Variants in KPNA3 observed in about 807,000 individuals in gnomAD.
KPNA3 encodes the protein karyopherin subunit alpha 3, also known as importin subunit alpha-4.
Under a neutral mutation model 73.8 loss-of-function variants are expected in KPNA3, and 13 were observed. That is an observed-to-expected ratio of 0.18 (90% confidence interval 0.11 to 0.28). The LOEUF is 0.28. KPNA3 is among the 10% of genes least tolerant of loss of function. The pLI is 1.00. For missense variants in KPNA3, 360 were observed against 618.1 expected (o/e 0.58, Z 4.43); for synonymous variants, 186 against 206.9 (o/e 0.90, Z 0.87).
chr13:49,740,714 C>T (rs1184439655), intron 2 of KPNA3, among the ~76,000 whole-genome samples: 1 of 152,094 alleles, frequency 6.6e-6, no homozygotes, highest in Non-Finnish European at 1.5e-5. Flanking sequence ...GAAAACTGAC[C>T]AATATACCAT....
At chr13:49,773,268 T>C (rs1954870004) in intron 1 of KPNA3, among the ~76,000 whole-genome samples, 1 of 152,156 alleles carries the variant, frequency 6.6e-6, no homozygotes, top group South Asian at 2.1e-4. Context: ...ACAGAAATAT[T>C]TACATTTTGA....
intron 1 of KPNA3, among the ~76,000 whole-genome samples, chr13:49,770,668 A>G (rs57411977): frequency 0.02 from 3,097 of 152,148 alleles, 43 homozygotes; most frequent in South Asian, 0.031. Flanking sequence ...TTTTACATGT[A>G]TATCTTTAAT....
chr13:49,746,963 C>T lies in KPNA3; in HGVS notation c.100G>A (p.Val34Met). 1 of 1,610,258 alleles carries T rather than the reference C, an allele frequency of 6.2e-7. No homozygotes were observed. The highest frequency in any genetic ancestry group is 8.5e-7 in the Non-Finnish European group (1 of 1,176,886). ...TMRRHRNEVT[V>M]ELRKNKRDEH... ...ATCAACCTTACCTTCCGCAGTTCCA[C>T]TGTCACTTCATTTCTATGTCTTCGC... Residue 34 changes from valine to methionine, a missense_variant, in exon 2 of 17, where the codon GTG (valine) becomes ATG (methionine). Val to Met is a conservative substitution (Grantham distance 21). Coordinates refer to ENST00000261667, the MANE Select transcript of KPNA3 (RefSeq NM_002267.4).
intron 1 of KPNA3, among the ~76,000 whole-genome samples, chr13:49,749,083 AGAT>A (rs1954641204): frequency 6.6e-6 from 1 of 152,256 alleles, no homozygotes; most frequent in African/African-American, 2.4e-5. Context: ...AATTATTAAA[AGAT>A]GATGCATAAC....
At chr13:49,749,907 T>C (rs978050889) in intron 1 of KPNA3, among the ~76,000 whole-genome samples, 54 of 152,188 alleles carry the variant, frequency 3.5e-4, no homozygotes, top group African/African-American at 1.3e-3. Flanking sequence ...CATGACTTAC[T>C]ATGCTCTTTG....
At chr13:49,781,794 C>T (rs950168928) in intron 1 of KPNA3, among the ~76,000 whole-genome samples, 19 of 152,102 alleles carry the variant, frequency 1.2e-4, no homozygotes, top group African/African-American at 4.6e-4. Context: ...CAGTTCCAGG[C>T]AAACCAAGAC....
chr13:49,703,308 G>C (rs1954168019), intron 15 of KPNA3, among the ~76,000 whole-genome samples: 1 of 149,820 alleles, frequency 6.7e-6, no homozygotes, highest in South Asian at 2.1e-4. Flanking sequence ...AGCCTCCCAA[G>C]TAGCTGGGAT....
chr13:49,747,325 C>T (rs545640607), intron 1 of KPNA3, among the ~76,000 whole-genome samples: 14 of 150,500 alleles, frequency 9.3e-5, no homozygotes, highest in African/African-American at 2.2e-4. Flanking sequence ...CAGGCCTGGG[C>T]GACAGAGCGA....
At chr13:49,754,703 C>T (rs1361981707) in intron 1 of KPNA3, among the ~76,000 whole-genome samples, 1 of 149,794 alleles carries the variant, frequency 6.7e-6, no homozygotes, top group African/African-American at 2.4e-5. Flanking sequence ...AAGGTACTAT[C>T]ACTACAGACT....
chr13:49,715,669 C>G (rs1312674003), intron 10 of KPNA3, among the ~76,000 whole-genome samples: 3 of 152,126 alleles, frequency 2.0e-5, no homozygotes, highest in Non-Finnish European at 4.4e-5. Context: ...ACCACTAGAA[C>G]AAGAATACAA....
intron 2 of KPNA3, among the ~76,000 whole-genome samples, chr13:49,743,403 G>A (rs1201149981): frequency 6.6e-6 from 1 of 152,130 alleles, no homozygotes; most frequent in Non-Finnish European, 1.5e-5. Flanking sequence ...AGTTTTGTCT[G>A]AATAAACTTC....
chr13:49,704,519 G>A (rs193284024), intron 15 of KPNA3, among the ~76,000 whole-genome samples: 451 of 150,558 alleles, frequency 3.0e-3, no homozygotes, highest in African/African-American at 0.01. Context: ...AATATTCTAC[G>A]GTACTACTGC....
intron 1 of KPNA3, among the ~76,000 whole-genome samples, chr13:49,785,816 A>T (rs1954977820): frequency 6.6e-6 from 1 of 152,160 alleles, no homozygotes; most frequent in Admixed American, 6.5e-5. Flanking sequence ...TACACTCTCC[A>T]AACTTAGGAA....
At chr13:49,776,537 G>A (rs1341017051) in intron 1 of KPNA3, among the ~76,000 whole-genome samples, 2 of 152,100 alleles carry the variant, frequency 1.3e-5, no homozygotes, top group African/African-American at 4.8e-5. Context: ...TGAATGCTAA[G>A]ATTTTATTTA....
chr13:49,702,552 T>C, intron 15 of KPNA3, 72 bp from the exon 16 acceptor site: 1 of 742,758 alleles, frequency 1.3e-6, no homozygotes, highest in African/African-American at 1.8e-5. Flanking sequence ...ACACTCATTT[T>C]AATCATGGAG....
intron 6 of KPNA3, among the ~76,000 whole-genome samples, chr13:49,727,380 G>A (rs991012028): frequency 7.3e-5 from 11 of 150,832 alleles, no homozygotes; most frequent in African/African-American, 1.7e-4. Flanking sequence ...CCCAGGAGGC[G>A]GAGGTTGTGG....
chr13:49,741,302 CT>C (rs1165538478), intron 2 of KPNA3, among the ~76,000 whole-genome samples: 1 of 152,130 alleles, frequency 6.6e-6, no homozygotes, highest in Non-Finnish European at 1.5e-5. Flanking sequence ...CATGCGTTAT[CT>C]TTCATCTTTT....
At chr13:49,721,799 G>A (rs564642432) in intron 9 of KPNA3, among the ~76,000 whole-genome samples, 156 bp downstream of exon 9, 5 of 152,286 alleles carry the variant, frequency 3.3e-5, no homozygotes, top group Non-Finnish European at 4.4e-5. Flanking sequence ...CAGCCTGGGC[G>A]ACAGAGCAAG....
chr13:49,733,471 T>C (rs1026126180), intron 2 of KPNA3, among the ~76,000 whole-genome samples: 2 of 152,036 alleles, frequency 1.3e-5, no homozygotes, highest in African/African-American at 4.8e-5. Flanking sequence ...ATATTTTTAG[T>C]AGAGATGTGT....
Sources: allele counts gnomAD v4.1 joint callset (sites outside exome capture counted in the v4.1 genomes callset), GRCh38; gene constraint gnomAD v4.1.1; transcripts MANE v1.5; gene names NCBI Gene and HGNC (gene_info 2026-07-23, HGNC 2026-07-21).